The following SCG3 variants were observed in gnomAD, a reference collection of about 807,000 sequenced individuals.
SCG3 encodes the protein secretogranin-3.
SCG3 carries 38 observed loss-of-function variants against 56.2 expected under a neutral mutation model. That is an observed-to-expected ratio of 0.68 (90% CI 0.52 to 0.89). The LOEUF (loss-of-function observed/expected upper bound fraction) is 0.89, where lower values mean the gene tolerates loss of function less well. Among genes scored for constraint, SCG3 ranks in the 40% least tolerant of loss-of-function variants. SCG3 has a pLI of 0.00. For missense variants in SCG3, 524 were observed against 540.7 expected, an observed-to-expected ratio of 0.97 and a Z score of 0.31; for synonymous variants, 176 against 184.2, an observed-to-expected ratio of 0.96 and a Z score of 0.36.
intron 1 of SCG3, among the ~76,000 whole-genome samples, 181 bp downstream of exon 1, chr15:51,682,018 T>A (rs1215819474): frequency 1.3e-5 from 2 of 152,232 alleles, no homozygotes; most frequent in African/African-American, 4.8e-5. Context: ...TTTCTTCACT[T>A]TTAAAATGAT....
At chr15:51,711,655 T>C (rs975154594) in intron 10 of SCG3, among the ~76,000 whole-genome samples, 1 of 152,232 alleles carries the variant, frequency 6.6e-6, no homozygotes, top group East Asian at 1.9e-4. Context: ...TATTTATGTA[T>C]CTGTTTATTA....
Position 51,709,519 on chromosome 15 carries a change from T to A in SCG3, c.1208-3814T>A, listed in dbSNP as rs535157365. 2.8e-3 allele frequency among the ~76,000 whole-genome samples: 394 copies of A among 140,276 alleles called. 3 individuals carry two copies. Among genetic ancestry groups the A allele is most frequent in the African/African-American group, 0.011 (379 of 32,986 alleles). 92.0% of individuals were successfully genotyped at this position (140,276 alleles called of 152,430 possible). A position where few individuals can be genotyped will look rare whatever the true frequency, so the allele number is the denominator to read the frequency against. On this transcript the variant is annotated intron_variant, in intron 10 of 11. Coordinates refer to ENST00000220478, the MANE Select transcript of SCG3 (RefSeq NM_013243.4). ...ATAAATGACATATGGATGTAGTATA[T>A]CTATCACATTTGTGTTTTAAATTGT...
chr15:51,699,477 AC>A, intron 9 of SCG3, 75 bp downstream of exon 9: 1 of 963,118 alleles, frequency 1.0e-6, no homozygotes, highest in South Asian at 1.5e-5. Context: ...ACTTTAATAA[AC>A]ATTAATTTAA....
chr15:51,699,445 C>A, intron 9 of SCG3, 43 bp downstream of exon 9: 1 of 1,186,340 alleles, frequency 8.4e-7, no homozygotes. Context: ...GAATAATAAC[C>A]CTTTTGAGTG....
intron 4 of SCG3, 66 bp downstream of exon 4, chr15:51,683,500 A>C: frequency 1.0e-6 from 1 of 983,076 alleles, no homozygotes; most frequent in Non-Finnish European, 1.5e-6. Context: ...GAGAAAGTCC[A>C]ATATTTTAAA....
chr15:51,689,403 GT>G, intron 6 of SCG3, 35 bp downstream of exon 6: 17 of 1,083,404 alleles, frequency 1.6e-5, no homozygotes, highest in Admixed American at 3.2e-5. Context: ...GCATGGGGGT[GT>G]GTGTGTGTGT....
intron 8 of SCG3, among the ~76,000 whole-genome samples, chr15:51,696,386 C>A (rs1231214094): frequency 2.0e-5 from 3 of 152,024 alleles, no homozygotes; most frequent in African/African-American, 7.3e-5. Flanking sequence ...GCTATCTCTA[C>A]AAAAAATACA....
intron 10 of SCG3, among the ~76,000 whole-genome samples, 187 bp downstream of exon 10, chr15:51,701,431 TG>T (rs1348165549): frequency 6.6e-6 from 1 of 152,226 alleles, no homozygotes; most frequent in Non-Finnish European, 1.5e-5. Context: ...TTGAGTCTCC[TG>T]GGATGGCAAA....
chr15:51,683,204 G>C lies in SCG3; in HGVS notation c.182-15G>C. On this transcript the variant is annotated splice_polypyrimidine_tract_variant and intron_variant, in intron 3 of 11. Transcript: ENST00000220478. ...AACTAAAATGGCTGTGTTGGGTTTG[G>C]GGCTATTCTTCCAGAAAACAAGCCA... The C allele has an allele frequency of 6.2e-7, 1 of 1,610,422 alleles. No individual in the cohort carries two copies. The highest frequency in any genetic ancestry group is 8.5e-7 in the Non-Finnish European group (1 of 1,177,500).
chr15:51,682,783 T>A (rs943856427), intron 2 of SCG3, among the ~76,000 whole-genome samples: 5 of 152,138 alleles, frequency 3.3e-5, no homozygotes, highest in Admixed American at 6.5e-5. Context: ...ATACATAGAG[T>A]AACTATATAA....
At chr15:51,700,734 G>A (rs909071611) in intron 9 of SCG3, among the ~76,000 whole-genome samples, 1 of 151,398 alleles carries the variant, frequency 6.6e-6, no homozygotes, top group African/African-American at 2.4e-5. Flanking sequence ...TTCAGAACAT[G>A]ACATATCCTG....
intron 5 of SCG3, 58 bp from the exon 6 acceptor site, chr15:51,689,161 T>C: frequency 6.4e-7 from 1 of 1,552,110 alleles, no homozygotes; most frequent in Non-Finnish European, 8.8e-7. Flanking sequence ...TCCACATTAT[T>C]TTTTAATAAC....
chr15:51,689,295 A>G lies in SCG3; in HGVS notation c.617A>G (p.Asn206Ser), dbSNP rs748249995. Residue 206 changes from asparagine to serine, a missense_variant, in exon 6 of 12, where the codon AAC (asparagine) becomes AGC (serine). Asn to Ser is a conservative substitution (Grantham distance 46, BLOSUM62 1). Transcript: ENST00000220478. Reference protein sequence around the residue: ...VLQKLISKEANNYEEDPNKPT... With the variant: ...VLQKLISKEASNYEEDPNKPT... ...CAAAAATTAATCTCAAAGGAAGCCA[A>G]CAATTATGAGGAGGATCCCAATAAG... 6 of 1,614,094 alleles carry G rather than the reference A, an allele frequency of 3.7e-6. No homozygotes were observed. Among genetic ancestry groups the G allele is most frequent in the African/African-American group, 1.3e-5 (1 of 75,052 alleles).
intron 10 of SCG3, 110 bp from the exon 11 acceptor site, chr15:51,713,223 C>G: frequency 1.4e-6 from 1 of 716,166 alleles, no homozygotes; most frequent in South Asian, 1.6e-5. Context: ...AACAACCTTG[C>G]AAATGCTGCA....
At chr15:51,690,524 C>CTT (rs899128471) in intron 6 of SCG3, among the ~76,000 whole-genome samples, 1 of 143,970 alleles carries the variant, frequency 6.9e-6, no homozygotes, top group African/African-American at 2.5e-5. Flanking sequence ...GTCTGGATTT[C>CTT]TTTTTTTTTT....
At chr15:51,704,413 C>T (rs1417814795) in intron 10 of SCG3, among the ~76,000 whole-genome samples, 2 of 151,042 alleles carry the variant, frequency 1.3e-5, no homozygotes. Flanking sequence ...CATCCACCTC[C>T]AGAGCTCTTT....
chr15:51,718,821 G>A (rs1271192887), intron 11 of SCG3, among the ~76,000 whole-genome samples: 1 of 151,802 alleles, frequency 6.6e-6, no homozygotes, highest in Admixed American at 6.6e-5. Context: ...CAAACAGCAT[G>A]AAATAAAGTA....
chr15:51,685,751 G>T (rs1214202784), intron 4 of SCG3, among the ~76,000 whole-genome samples: 1 of 152,194 alleles, frequency 6.6e-6, no homozygotes, highest in Admixed American at 6.5e-5. Context: ...TTCCAAACAG[G>T]CTTGTACTAT....
chr15:51,689,468 C>A (rs1169753287), intron 6 of SCG3, 100 bp downstream of exon 6: 3 of 1,383,174 alleles, frequency 2.2e-6, no homozygotes, highest in East Asian at 2.5e-5. Context: ...TACTTGATAC[C>A]AAAGAAGATT....
Sources: gnomAD v4.1 joint callset for allele counts (sites outside exome capture counted in the v4.1 genomes callset) on GRCh38, gnomAD v4.1.1 for gene constraint, MANE v1.5 for transcripts, NCBI Gene and HGNC (gene_info 2026-07-23, HGNC 2026-07-21) for gene names.